PCDHGA9: variants seen among roughly 807,000 people sequenced by gnomAD.
The protein encoded by PCDHGA9 is protocadherin gamma subfamily A, 9, also known as protocadherin gamma-A9.
Under a neutral mutation model 62.5 loss-of-function variants are expected in PCDHGA9, and 37 were observed. The observed-to-expected ratio is 0.59, with a 90% CI of 0.46 to 0.78. The LOEUF is 0.78. Ranked by LOEUF, PCDHGA9 falls within the 30% of genes least tolerant of loss-of-function variation. The pLI, the probability that PCDHGA9 is intolerant of heterozygous loss-of-function variation, is 0.00. For missense variants in PCDHGA9, 1,138 were observed against 1,166.2 expected (o/e 0.98, Z 0.35); for synonymous variants, 459 against 484.6 (o/e 0.95, Z 0.69).
chr5:141,461,392 A>G (rs781666201), intron 1 of PCDHGA9, among the ~76,000 whole-genome samples: 18 of 152,178 alleles, frequency 1.2e-4, no homozygotes, highest in Non-Finnish European at 2.2e-4. Context: ...ATGATTAGCG[A>G]TGTTGAGCAT....
At position 141,432,724 on chromosome 5, in the gene PCDHGA9, C is replaced by T. The variant is rs752394602; in HGVS notation, c.2424+27348C>T. ...AGGACCACGGCCAGCCCCCTCTCTCCGCCACTGTCACGCTCACCGTGGCCG... is the reference window on the plus strand; with the variant it reads ...AGGACCACGGCCAGCCCCCTCTCTCTGCCACTGTCACGCTCACCGTGGCCG... On this transcript the variant is annotated intron_variant, in intron 1 of 3. Coordinates refer to ENST00000573521, the MANE Select transcript of PCDHGA9 (RefSeq NM_018921.3). The surrounding 1 kb of genome is among the most constrained non-coding windows in gnomAD (Gnocchi z 6.0). The T allele has an allele frequency of 8.1e-6, 13 of 1,614,066 alleles. No individual in the cohort carries two copies. Among genetic ancestry groups the T allele is most frequent in the Middle Eastern group, 1.6e-4 (1 of 6,062 alleles).
chr5:141,493,656 T>C lies in PCDHGA9; in HGVS notation c.2425-1151T>C, dbSNP rs1481871984. Among the ~76,000 whole-genome samples, 1 of 152,184 alleles carries C rather than the reference T, an allele frequency of 6.6e-6. No homozygotes were observed. Among genetic ancestry groups the C allele is most frequent in the African/African-American group, 2.4e-5 (1 of 41,454 alleles). ...CTGAGGGCTGGCCATCCCTGTGCCC[T>C]TCTCCATGGCAGCCCCAGAATGGTG... On this transcript the variant is annotated intron_variant, in intron 1 of 3. Coordinates refer to ENST00000573521, the MANE Select transcript of PCDHGA9 (RefSeq NM_018921.3). The surrounding 1 kb of genome is among the most constrained non-coding windows in gnomAD (Gnocchi z 4.3).
At chr5:141,421,271 T>G in intron 1 of PCDHGA9, 1 of 1,612,330 alleles carries the variant, frequency 6.2e-7, no homozygotes, top group Non-Finnish European at 8.5e-7. Context: ...CGGCTGCTGC[T>G]GCTGCTGTGC....
At chr5:141,425,447 A>G (rs549575207) in intron 1 of PCDHGA9, among the ~76,000 whole-genome samples, 5 of 152,318 alleles carry the variant, frequency 3.3e-5, no homozygotes, top group African/African-American at 1.2e-4. Flanking sequence ...AAAATAAAAC[A>G]CCATCACATT....
At chr5:141,406,421 A>G (rs981815055) in intron 1 of PCDHGA9, among the ~76,000 whole-genome samples, 2 of 152,222 alleles carry the variant, frequency 1.3e-5, no homozygotes, top group East Asian at 1.9e-4. Flanking sequence ...GAAAGCCCAG[A>G]TTTATTGCTT....
At chr5:141,421,363 G>T (rs749916401) in intron 1 of PCDHGA9, 2 of 1,613,898 alleles carry the variant, frequency 1.2e-6, no homozygotes, top group South Asian at 2.2e-5. Flanking sequence ...GGGCTCCTTC[G>T]TGGGCAATAT....
At chr5:141,434,691 A>G (rs1263712056) in intron 1 of PCDHGA9, among the ~76,000 whole-genome samples, 2 of 152,150 alleles carry the variant, frequency 1.3e-5, no homozygotes. Flanking sequence ...GCTTGCTGTT[A>G]ATAAATATGT....
chr5:141,409,919 G>C (rs774277848), intron 1 of PCDHGA9: 1 of 1,613,346 alleles, frequency 6.2e-7, no homozygotes, highest in South Asian at 1.1e-5. Flanking sequence ...TGACGGCTCC[G>C]CGTTCTTCGA....
intron 1 of PCDHGA9, among the ~76,000 whole-genome samples, chr5:141,407,428 G>A (rs1211459456): frequency 6.6e-6 from 1 of 151,524 alleles, no homozygotes; most frequent in Non-Finnish European, 1.5e-5. Context: ...AATGTCTCTT[G>A]CCCTTAAAAC....
Position 141,403,179 on chromosome 5 carries a change from C to T in PCDHGA9, c.227C>T (p.Ser76Phe), listed in dbSNP as rs1341077920. Residue 76 changes from serine to phenylalanine, a missense_variant, in exon 1 of 4, where the codon TCT becomes TTT. Coordinates refer to ENST00000573521, the MANE Select transcript of PCDHGA9 (RefSeq NM_018921.3). ...TCTAGAGGTAGGACGCAGCTTTTCT[C>T]TCTGAACCCGCGCAGCGGCACCTTG... ...IVSRGRTQLFSLNPRSGTLVT... is the reference protein window; with the variant it reads ...IVSRGRTQLFFLNPRSGTLVT... 1 of 1,614,000 alleles carries T rather than the reference C, an allele frequency of 6.2e-7. No individual in the cohort carries two copies. Among genetic ancestry groups the T allele is most frequent in the Admixed American group, 1.7e-5 (1 of 60,032 alleles).
intron 1 of PCDHGA9, chr5:141,415,217 GCTTCGAGTCT>G: frequency 2.5e-6 from 4 of 1,614,124 alleles, no homozygotes; most frequent in Non-Finnish European, 3.4e-6. Context: ...GACCTCGGCA[GCTTCGAGTCT>G]CCAGCTAACT....
chr5:141,451,165 A>G (rs2098709571), intron 1 of PCDHGA9, among the ~76,000 whole-genome samples: 1 of 152,116 alleles, frequency 6.6e-6, no homozygotes, highest in Admixed American at 6.6e-5. Context: ...TTTTGGTAGT[A>G]TATTATTTAG....
intron 1 of PCDHGA9, chr5:141,408,406 G>T (rs750833105): frequency 5.0e-6 from 8 of 1,614,066 alleles, no homozygotes; most frequent in East Asian, 2.2e-5. Flanking sequence ...AGCTGCGAGT[G>T]AGCGCGGAGA....
At chr5:141,430,907 A>G (rs776543955) in intron 1 of PCDHGA9, 1 of 1,606,916 alleles carries the variant, frequency 6.2e-7, no homozygotes, top group Non-Finnish European at 8.5e-7. Flanking sequence ...CGACATCTCC[A>G]GGGACCTGGG....
intron 1 of PCDHGA9, chr5:141,475,801 A>G: frequency 3.2e-6 from 1 of 312,546 alleles, no homozygotes. Flanking sequence ...AGGAAGCCAA[A>G]GGAAAGTGAA....
At chr5:141,474,461 CTT>C (rs1264129273) in intron 1 of PCDHGA9, among the ~76,000 whole-genome samples, 1 of 152,214 alleles carries the variant, frequency 6.6e-6, no homozygotes, top group East Asian at 1.9e-4. Context: ...GGGCTATACT[CTT>C]TATTCTAAAT....
At chr5:141,488,213 C>T (rs1261280988) in intron 1 of PCDHGA9, among the ~76,000 whole-genome samples, 1 of 152,118 alleles carries the variant, frequency 6.6e-6, no homozygotes, top group Non-Finnish European at 1.5e-5. Context: ...CATATCAAGT[C>T]CCTACTGGGG....
At chr5:141,420,027 C>T in intron 1 of PCDHGA9, 3 of 1,614,082 alleles carry the variant, frequency 1.9e-6, no homozygotes, top group Non-Finnish European at 2.5e-6. Flanking sequence ...AGCCCTACTG[C>T]AGGAGACTGC....
At position 141,489,720 on chromosome 5, in the gene PCDHGA9, G is replaced by T. The variant is rs560729125; in HGVS notation, c.2425-5087G>T. 1.9e-6 allele frequency: 3 copies of T among 1,614,200 alleles called. No individual in the cohort carries two copies. Among genetic ancestry groups the T allele is most frequent in the Middle Eastern group, 1.6e-4 (1 of 6,062 alleles). ...TCCCACTGGACAGTGCCCAGGATCC[G>T]GATGTGGGCACCAATACTGTGAGCT... On this transcript the variant is annotated intron_variant, in intron 1 of 3. Transcript: ENST00000573521. This position sits in a 1 kb window ranked among gnomAD's most constrained non-coding sequence, Gnocchi z 4.5.
Sources: allele counts gnomAD v4.1 joint callset (sites outside exome capture counted in the v4.1 genomes callset), GRCh38; gene constraint gnomAD v4.1.1; non-coding constraint Gnocchi (gnomAD v3.1); transcripts MANE v1.5; gene names NCBI Gene and HGNC (gene_info 2026-07-23, HGNC 2026-07-21).